The following DGKI variants were observed in gnomAD, a reference collection of about 807,000 sequenced individuals.
DGKI encodes diacylglycerol kinase iota, also known as DAG kinase iota.
DGKI carries 55 observed loss-of-function variants against 147.5 expected under a neutral mutation model. That is an observed-to-expected ratio of 0.37 (90% confidence interval 0.30 to 0.47). The LOEUF (loss-of-function observed/expected upper bound fraction) is 0.47. DGKI is among the 20% of genes least tolerant of loss of function. DGKI has a pLI of 1.00. For missense variants in DGKI, 1,007 were observed against 1,323.8 expected, an observed-to-expected ratio of 0.76 and a Z score of 3.71; for synonymous variants, 469 against 477.1, an observed-to-expected ratio of 0.98 and a Z score of 0.22.
At chr7:137,753,096 C>T (rs1159657433) in intron 1 of DGKI, among the ~76,000 whole-genome samples, 1 of 152,092 alleles carries the variant, frequency 6.6e-6, no homozygotes, top group African/African-American at 2.4e-5. Flanking sequence ...TGGAAGTTGG[C>T]TATTCTGTAC....
intron 25 of DGKI, 60 bp downstream of exon 25, chr7:137,466,842 A>T (rs2128926951): frequency 1.3e-6 from 2 of 1,557,392 alleles, no homozygotes; most frequent in East Asian, 4.5e-5. Context: ...ATTAGCTACC[A>T]ATAAAGCACA....
At chr7:137,668,952 G>A (rs780853622) in intron 3 of DGKI, among the ~76,000 whole-genome samples, 9 of 152,208 alleles carry the variant, frequency 5.9e-5, no homozygotes, top group Non-Finnish European at 1.2e-4. Context: ...TTGAGTGCCT[G>A]TGATTTGCCA....
At chr7:137,439,473 G>T (rs1813410880) in intron 28 of DGKI, among the ~76,000 whole-genome samples, 1 of 152,140 alleles carries the variant, frequency 6.6e-6, no homozygotes, top group Non-Finnish European at 1.5e-5. Flanking sequence ...TTGTGCAGGG[G>T]AACTCCCATT....
intron 32 of DGKI, among the ~76,000 whole-genome samples, chr7:137,393,451 G>A (rs1379099092): frequency 2.6e-5 from 4 of 152,076 alleles, no homozygotes; most frequent in African/African-American, 9.7e-5. Flanking sequence ...GTGGTAAAGA[G>A]GCAGTTGTGC....
chr7:137,541,180 AGG>A (rs776145776), intron 20 of DGKI, among the ~76,000 whole-genome samples: 1 of 152,236 alleles, frequency 6.6e-6, no homozygotes, highest in African/African-American at 2.4e-5. Flanking sequence ...GCACTGGCAA[AGG>A]CATAAGCCAT....
chr7:137,464,929 T>TTGGA (rs1360188391), intron 26 of DGKI, among the ~76,000 whole-genome samples: 14 of 152,240 alleles, frequency 9.2e-5, no homozygotes, highest in African/African-American at 3.1e-4. Flanking sequence ...AAACACTAAA[T>TTGGA]TTCACAAGGA....
intron 1 of DGKI, among the ~76,000 whole-genome samples, chr7:137,705,165 T>C (rs978352026): frequency 1.3e-5 from 2 of 152,100 alleles, no homozygotes; most frequent in African/African-American, 4.8e-5. Flanking sequence ...AAGAATAAAA[T>C]AGTAAATCAC....
chr7:137,585,128 A>T, intron 14 of DGKI, 81 bp downstream of exon 14: 2 of 1,514,048 alleles, frequency 1.3e-6, no homozygotes, highest in Non-Finnish European at 1.8e-6. Flanking sequence ...TCAGCACATG[A>T]CTCTCCAGCC....
At chr7:137,470,737 A>C (rs1310263456) in intron 23 of DGKI, among the ~76,000 whole-genome samples, 2 of 151,898 alleles carry the variant, frequency 1.3e-5, no homozygotes, top group African/African-American at 4.8e-5. Context: ...TAATCTTCTT[A>C]AACTCTCCTT....
chr7:137,841,079 A>C (rs540405997), intron 1 of DGKI, among the ~76,000 whole-genome samples: 1 of 152,260 alleles, frequency 6.6e-6, no homozygotes, highest in African/African-American at 2.4e-5. Flanking sequence ...GTCTGAGATT[A>C]GCAGAAAGAT....
At position 137,618,146 on chromosome 7, in the gene DGKI, TATATA is replaced by T. The variant is rs1331322608; in HGVS notation, c.993+1673_993+1677del. On this transcript the variant is annotated intron_variant, in intron 8 of 32. Coordinates refer to ENST00000614521, the MANE Select transcript of DGKI (RefSeq NM_001321708.2). ...AAAATACTATATATATATATATATA[TATATA>T]TTTTTTTTTTTTTACTCTATCATTC... 5.4e-3 allele frequency among the ~76,000 whole-genome samples: 98 copies of T among 18,250 alleles called. 8 individuals are homozygous for T. The highest frequency in any genetic ancestry group is 0.01 in the Admixed American group (13 of 1,264). The allele number at this position is 18,250 out of a possible 152,430, so 12.0% of individuals were successfully genotyped here. A position where few individuals can be genotyped will look rare whatever the true frequency, so the allele number is the denominator to read the frequency against.
intron 1 of DGKI, among the ~76,000 whole-genome samples, chr7:137,713,940 A>C (rs1794293617): frequency 6.6e-6 from 1 of 152,188 alleles, no homozygotes; most frequent in South Asian, 2.1e-4. Flanking sequence ...GTGCCTGGCC[A>C]CTTGCCCAAT....
intron 6 of DGKI, among the ~76,000 whole-genome samples, chr7:137,639,152 A>G (rs528666294): frequency 6.6e-6 from 1 of 152,342 alleles, no homozygotes; most frequent in South Asian, 2.1e-4. Context: ...TTACTTGCTA[A>G]TATCTAGTTT....
At chr7:137,523,281 AT>A (rs1171136980) in intron 20 of DGKI, among the ~76,000 whole-genome samples, 1 of 152,052 alleles carries the variant, frequency 6.6e-6, no homozygotes, top group African/African-American at 2.4e-5. Flanking sequence ...GAGTAAAAAA[AT>A]AATCTCATTC....
chr7:137,449,541 A>C (rs1401723660), intron 27 of DGKI, among the ~76,000 whole-genome samples: 1 of 152,214 alleles, frequency 6.6e-6, no homozygotes, highest in African/African-American at 2.4e-5. Flanking sequence ...CTGCTAGAAG[A>C]AAACAGAAAA....
chr7:137,704,013 C>T (rs1357557132), intron 1 of DGKI, among the ~76,000 whole-genome samples: 1 of 152,090 alleles, frequency 6.6e-6, no homozygotes, highest in African/African-American at 2.4e-5. Context: ...GAGTTTGTGA[C>T]CAGCCTGGCC....
intron 1 of DGKI, among the ~76,000 whole-genome samples, chr7:137,832,563 A>T (rs1431022238): frequency 6.6e-6 from 1 of 152,222 alleles, no homozygotes; most frequent in Non-Finnish European, 1.5e-5. Context: ...ACAGAGCAAG[A>T]GGTCCCTGGG....
intron 7 of DGKI, 22 bp from the exon 8 acceptor site, chr7:137,619,962 T>C (rs928122062): frequency 6.3e-7 from 1 of 1,575,104 alleles, no homozygotes; most frequent in Non-Finnish European, 8.7e-7. Context: ...AATAAGCCAG[T>C]AAACAATTCT....
chr7:137,757,146 T>C (rs149294129), intron 1 of DGKI, among the ~76,000 whole-genome samples: 37 of 152,248 alleles, frequency 2.4e-4, no homozygotes, highest in Non-Finnish European at 4.7e-4. Context: ...GTACCAACAC[T>C]ATGTTCTGCT....
Sources: gnomAD v4.1 joint callset for allele counts (sites outside exome capture counted in the v4.1 genomes callset) on GRCh38, gnomAD v4.1.1 for gene constraint, MANE v1.5 for transcripts, NCBI Gene and HGNC (gene_info 2026-07-23, HGNC 2026-07-21) for gene names.